The following NSMCE1 variants were observed in gnomAD, a reference collection of about 807,000 sequenced individuals.
NSMCE1 encodes NSE1 component of SMC5/6 complex.
A neutral mutation model predicts 29.6 loss-of-function variants in NSMCE1; 18 were observed. The observed-to-expected ratio is 0.61, with a 90% CI of 0.42 to 0.90. The LOEUF (loss-of-function observed/expected upper bound fraction) is 0.90, where lower values mean the gene tolerates loss of function less well. NSMCE1 is among the 40% of genes least tolerant of loss of function. The pLI is 0.00. For synonymous variants in NSMCE1, 124 were observed against 133.4 expected, an observed-to-expected ratio of 0.93 and a Z score of 0.49; for missense variants, 314 against 343.6, an observed-to-expected ratio of 0.91 and a Z score of 0.68.
chr16:27,232,899 C>T lies in NSMCE1; in HGVS notation c.483+102G>A. ...AAAGCAGATAAGGGATCCGAGAAGG[C>T]CGGGCTCCTCAGACATCAGTTGGCT... On this transcript the variant is annotated intron_variant, in intron 5 of 7. Transcript: ENST00000361439. This position sits in a 1 kb window ranked among gnomAD's most constrained non-coding sequence, Gnocchi z 4.5. The T allele has an allele frequency of 1.6e-6, 2 of 1,245,182 alleles. No individual in the cohort carries two copies. The highest frequency in any genetic ancestry group is 2.7e-5 in the South Asian group (2 of 73,306). 77.1% of individuals were successfully genotyped at this position (1,245,182 alleles called of 1,614,324 possible).
chr16:27,251,749 G>A (rs565948039), intron 2 of NSMCE1, among the ~76,000 whole-genome samples: 3 of 152,200 alleles, frequency 2.0e-5, no homozygotes, highest in African/African-American at 7.2e-5. Context: ...AGCTGGCATT[G>A]TTTTCTCTAA....
At chr16:27,237,421 C>T (rs548057814) in intron 2 of NSMCE1, among the ~76,000 whole-genome samples, 13 of 152,364 alleles carry the variant, frequency 8.5e-5, no homozygotes, top group African/African-American at 3.1e-4. Flanking sequence ...TCCTCTTCCA[C>T]AGCATGCAAG....
At chr16:27,240,875 C>A (rs889009043) in intron 2 of NSMCE1, among the ~76,000 whole-genome samples, 1 of 152,140 alleles carries the variant, frequency 6.6e-6, no homozygotes, top group African/African-American at 2.4e-5. Context: ...GAGTTCAAGA[C>A]AAGCCTGAGC....
At chr16:27,267,854 G>A (rs1179717333) in intron 1 of NSMCE1, among the ~76,000 whole-genome samples, 3 of 151,666 alleles carry the variant, frequency 2.0e-5, no homozygotes, top group Admixed American at 1.3e-4. Context: ...TCAGCCTTCC[G>A]TCTCAGCCTC....
chr16:27,251,207 T>TATATATATATATA (rs1555477430), intron 2 of NSMCE1, among the ~76,000 whole-genome samples: 2 of 70,764 alleles, frequency 2.8e-5, no homozygotes, highest in Non-Finnish European at 2.9e-5. Context: ...TATATATATA[T>TATATATATATATA]AAAACTCTGT....
intron 6 of NSMCE1, 61 bp downstream of exon 6, chr16:27,226,659 G>T: frequency 1.8e-6 from 2 of 1,104,844 alleles, no homozygotes; most frequent in Non-Finnish European, 1.4e-6. Flanking sequence ...GGAAGTACCT[G>T]TACAGAGCCC....
intron 1 of NSMCE1, among the ~76,000 whole-genome samples, chr16:27,263,525 A>T (rs770211181): frequency 6.6e-6 from 1 of 152,210 alleles, no homozygotes; most frequent in Non-Finnish European, 1.5e-5. Context: ...AGGAAACAAC[A>T]GACACTGGGG....
chr16:27,264,284 G>A (rs1014908739), intron 1 of NSMCE1, among the ~76,000 whole-genome samples: 1 of 152,138 alleles, frequency 6.6e-6, no homozygotes, highest in Non-Finnish European at 1.5e-5. Flanking sequence ...GAGGTGGGAG[G>A]ACTGCTTCAG....
intron 2 of NSMCE1, among the ~76,000 whole-genome samples, chr16:27,245,326 G>T (rs2083944133): frequency 6.6e-6 from 1 of 152,252 alleles, no homozygotes; most frequent in Non-Finnish European, 1.5e-5. Context: ...AGCCAGCGGG[G>T]TCTGTGGTAA....
chr16:27,245,308 C>T (rs2083943841), intron 2 of NSMCE1, among the ~76,000 whole-genome samples: 1 of 152,256 alleles, frequency 6.6e-6, no homozygotes, highest in African/African-American at 2.4e-5. Flanking sequence ...AAATGGCTTC[C>T]CTGTTCCAGC....
rs1293726670 is a variant in NSMCE1, at chr16:27,233,120, C to A, written c.364G>T (p.Gly122Cys). 2.5e-6 allele frequency: 4 copies of A among 1,613,672 alleles called. No individual in the cohort carries two copies. The highest frequency in any genetic ancestry group is 3.4e-6 in the Non-Finnish European group (4 of 1,179,952). ...AATATGTTTGTGGAAGACGCAAAGC[C>A]GGTTTCTGAGTCAATAATCAGTTCC... ...ALELIIDSET[G>C]FASSTNILNL... Residue 122 changes from glycine (G) to cysteine (C), a missense_variant, in exon 5 of 8, where the codon GGC becomes TGC. Transcript: ENST00000361439.
chr16:27,257,467 C>A lies in NSMCE1; in HGVS notation c.104G>T (p.Arg35Leu), dbSNP rs145165963. The A allele has an allele frequency of 2.5e-6, 4 of 1,613,452 alleles. No individual in the cohort carries two copies. The highest frequency in any genetic ancestry group is 3.4e-6 in the Non-Finnish European group (4 of 1,179,794). The change falls in exon 2 of 8, where the codon CGC becomes CTC. Residue 35 changes from arginine (R) to leucine (L), a missense_variant. Arg to Leu is a moderately radical substitution (Grantham distance 102). Coordinates refer to ENST00000361439, the MANE Select transcript of NSMCE1 (RefSeq NM_145080.4). Reference protein sequence around the residue: ...HGVLEEWDVKRLQTHCYKVHD... With the variant: ...HGVLEEWDVKLLQTHCYKVHD... ...GACCTTGTAGCAGTGCGTCTGCAAG[C>A]GCTTCACGTCCCATTCCTCTAGCAC... is the stretch of plus-strand genomic sequence containing the variant.
At chr16:27,258,677 A>AGG (rs2084115938) in intron 1 of NSMCE1, among the ~76,000 whole-genome samples, 1 of 152,116 alleles carries the variant, frequency 6.6e-6, no homozygotes, top group Non-Finnish European at 1.5e-5. Context: ...ATGAGTCACA[A>AGG]CTACCAAAGG....
Position 27,225,720 on chromosome 16 carries a change from A to AAC in NSMCE1, c.721+5_721+6insGT. ...CCCTCCCATGAGCTCCTCAGGGCCC[A>AAC]CGCACTTGGGATCTCGTGGGGCCAG... On this transcript the variant is annotated splice_donor_region_variant and intron_variant, in intron 7 of 7. Coordinates refer to ENST00000361439, the MANE Select transcript of NSMCE1 (RefSeq NM_145080.4). 1 of 1,613,936 alleles carries AAC rather than the reference A, an allele frequency of 6.2e-7. No homozygotes were observed. The highest frequency in any genetic ancestry group is 8.5e-7 in the Non-Finnish European group (1 of 1,179,960).
intron 2 of NSMCE1, among the ~76,000 whole-genome samples, chr16:27,238,678 GA>G (rs2083855224): frequency 1.3e-5 from 2 of 152,012 alleles, no homozygotes; most frequent in Admixed American, 1.3e-4. Context: ...AGTAGACAGA[GA>G]ACCCCTATCA....
intron 5 of NSMCE1, among the ~76,000 whole-genome samples, chr16:27,231,658 C>A (rs1460566784): frequency 6.7e-6 from 1 of 150,080 alleles, no homozygotes; most frequent in East Asian, 2.0e-4. Flanking sequence ...AAAAAATTGG[C>A]CTGAAGAGGG....
At chr16:27,241,322 C>G (rs893203795) in intron 2 of NSMCE1, 4 of 152,230 alleles carry the variant, frequency 2.6e-5, no homozygotes, top group African/African-American at 9.7e-5. Flanking sequence ...AATAAGACTC[C>G]AAGGGCCCAA....
intron 2 of NSMCE1, among the ~76,000 whole-genome samples, chr16:27,236,739 A>G (rs2083830136): frequency 6.6e-6 from 1 of 152,208 alleles, no homozygotes; most frequent in Admixed American, 6.5e-5. Flanking sequence ...GGACAATATG[A>G]TACATTCATG....
At position 27,225,537 on chromosome 16, in the gene NSMCE1, T is replaced by C. The variant is rs145395618; in HGVS notation, c.721+189A>G. ...GGAATTTCAGCTGGGTTCTAGAAAG[T>C]CCTCTGGAGCGGTGCACGTAGCTCA... On this transcript the variant is annotated intron_variant, in intron 7 of 7. Coordinates refer to ENST00000361439, the MANE Select transcript of NSMCE1 (RefSeq NM_145080.4). 4.4e-3 allele frequency among the ~76,000 whole-genome samples: 665 copies of C among 152,358 alleles called. 6 individuals carry two copies. The highest frequency in any genetic ancestry group is 0.015 in the African/African-American group (624 of 41,582).
Sources: allele counts gnomAD v4.1 joint callset (sites outside exome capture counted in the v4.1 genomes callset), GRCh38; gene constraint gnomAD v4.1.1; non-coding constraint Gnocchi (gnomAD v3.1); transcripts MANE v1.5; gene names NCBI Gene and HGNC (gene_info 2026-07-23, HGNC 2026-07-21).